LGSN: variants seen among roughly 807,000 people sequenced by gnomAD.
LGSN encodes the protein lengsin.
In LGSN, 21 loss-of-function variants were observed where a neutral mutation model predicts 19.5. That is an observed-to-expected ratio of 1.07 (90% CI 0.76 to 1.55). LGSN has a LOEUF of 1.55. Among genes scored for constraint, LGSN ranks in the 40% most tolerant of loss-of-function variants. LGSN has a pLI of 0.00. For synonymous variants in LGSN, 257 were observed against 215.6 expected, an observed-to-expected ratio of 1.19 and a Z score of -1.68; for missense variants, 673 against 608.5, an observed-to-expected ratio of 1.11 and a Z score of -1.12.
the LGSN span, among the ~76,000 whole-genome samples, chr6:63,545,243 G>A: frequency 2.6e-5 from 4 of 152,248 alleles, no homozygotes; most frequent in Admixed American, 2.0e-4. Context: ...GCAGATTTTG[G>A]TGTCCTTTTC....
the LGSN span, among the ~76,000 whole-genome samples, chr6:63,512,694 T>C: frequency 6.6e-6 from 1 of 152,142 alleles, no homozygotes; most frequent in Non-Finnish European, 1.5e-5. Context: ...AGATAACATG[T>C]TGAAGGATAA....
At chr6:63,470,316 A>T in the LGSN span, among the ~76,000 whole-genome samples, 30 of 152,006 alleles carry the variant, frequency 2.0e-4, no homozygotes, top group African/African-American at 7.0e-4. Context: ...AAAAAAAAAT[A>T]TACAAAAATT....
chr6:63,474,436 G>A, the LGSN span, among the ~76,000 whole-genome samples: 10 of 151,724 alleles, frequency 6.6e-5, no homozygotes, highest in Admixed American at 3.9e-4. Flanking sequence ...GTGAAACCCC[G>A]TCTCTACTAA....
At chr6:63,302,939 C>G (rs1198369740) in intron 1 of LGSN, among the ~76,000 whole-genome samples, 1 of 151,988 alleles carries the variant, frequency 6.6e-6, no homozygotes, top group Non-Finnish European at 1.5e-5. Flanking sequence ...CCAGCCTGGC[C>G]AATATAGTGA....
chr6:63,327,898 T>C, the LGSN span, among the ~76,000 whole-genome samples: 1 of 152,120 alleles, frequency 6.6e-6, no homozygotes, highest in African/African-American at 2.4e-5. Context: ...ATGGCTTTGG[T>C]AGTGTAAGAC....
the LGSN span, among the ~76,000 whole-genome samples, chr6:63,564,871 T>A: frequency 6.6e-6 from 1 of 152,214 alleles, no homozygotes; most frequent in Non-Finnish European, 1.5e-5. Context: ...ACTAGATTCC[T>A]CCAGGTACCA....
chr6:63,557,697 T>A, the LGSN span, among the ~76,000 whole-genome samples: 1 of 152,144 alleles, frequency 6.6e-6, no homozygotes, highest in Non-Finnish European at 1.5e-5. Context: ...AAATCACAGT[T>A]GGTTTCAAAC....
the LGSN span, among the ~76,000 whole-genome samples, chr6:63,360,184 C>T: frequency 2.2e-4 from 33 of 152,102 alleles, no homozygotes; most frequent in African/African-American, 6.3e-4. Flanking sequence ...GCATTCTCTG[C>T]ATTTCCTGAA....
chr6:63,407,229 A>G, the LGSN span, among the ~76,000 whole-genome samples: 1 of 152,010 alleles, frequency 6.6e-6, no homozygotes, highest in Non-Finnish European at 1.5e-5. Flanking sequence ...ACAACCAAAA[A>G]AGAGAATTTT....
the LGSN span, among the ~76,000 whole-genome samples, chr6:63,414,445 A>ATATG: frequency 1.6e-4 from 24 of 152,186 alleles, no homozygotes; most frequent in African/African-American, 4.8e-4. Flanking sequence ...AAGAGAGTAG[A>ATATG]TATGTATTCT....
chr6:63,532,491 GA>G, the LGSN span, among the ~76,000 whole-genome samples: 1 of 151,984 alleles, frequency 6.6e-6, no homozygotes, highest in Non-Finnish European at 1.5e-5. Context: ...ACTATTTCTG[GA>G]AGCCTTTTCT....
chr6:63,302,561 C>T (rs775117612), intron 1 of LGSN, among the ~76,000 whole-genome samples: 2 of 152,140 alleles, frequency 1.3e-5, no homozygotes, highest in Non-Finnish European at 2.9e-5. Flanking sequence ...TTAAGTAGCA[C>T]AAGAACTAAT....
At chr6:63,330,209 A>G in the LGSN span, among the ~76,000 whole-genome samples, 1 of 152,198 alleles carries the variant, frequency 6.6e-6, no homozygotes, top group Non-Finnish European at 1.5e-5. Context: ...TGTTTTTTAA[A>G]GTGTCCTAGT....
chr6:63,503,474 G>A, the LGSN span, among the ~76,000 whole-genome samples: 155 of 152,306 alleles, frequency 1.0e-3, no homozygotes, highest in Admixed American at 1.6e-3. Context: ...GACTCGCCCC[G>A]GAATAGATTA....
At chr6:63,571,561 A>G in the LGSN span, 1 of 152,246 alleles carries the variant, frequency 6.6e-6, no homozygotes, top group African/African-American at 2.4e-5. Flanking sequence ...TTTAGCTTTG[A>G]CGCAAAGAAT....
chr6:63,499,672 A>G, the LGSN span, among the ~76,000 whole-genome samples: 1 of 152,088 alleles, frequency 6.6e-6, no homozygotes, highest in African/African-American at 2.4e-5. Context: ...TTCTCTGTAC[A>G]TCACCTATGG....
the LGSN span, among the ~76,000 whole-genome samples, chr6:63,497,602 C>T: frequency 2.0e-4 from 31 of 152,048 alleles, 1 homozygote; most frequent in South Asian, 6.2e-3. Context: ...TTGCCCAACA[C>T]TAAGAGAAAG....
At chr6:63,358,933 A>G in the LGSN span, among the ~76,000 whole-genome samples, 19,816 of 152,158 alleles carry the variant, frequency 0.13, 2,857 homozygotes, top group African/African-American at 0.36. Context: ...GAATGCTTCC[A>G]GTTTTTGTCC....
intron 1 of LGSN, among the ~76,000 whole-genome samples, chr6:63,308,374 G>T (rs762142407): frequency 1.3e-5 from 2 of 151,972 alleles, no homozygotes; most frequent in Non-Finnish European, 2.9e-5. Context: ...TGATTCTTTT[G>T]AAATGGTGTT....
Sources: allele counts gnomAD v4.1 joint callset (sites outside exome capture counted in the v4.1 genomes callset), GRCh38; gene constraint gnomAD v4.1.1; transcripts MANE v1.5; gene names NCBI Gene and HGNC (gene_info 2026-07-23, HGNC 2026-07-21).